The following CYP7B1 variants were observed in gnomAD, a reference collection of about 807,000 sequenced individuals.
CYP7B1 encodes cytochrome P450 7B1.
Under a neutral mutation model 42.7 loss-of-function variants are expected in CYP7B1, and 29 were observed. The ratio of observed to expected loss-of-function variants is 0.68; its 90% CI spans 0.51 to 0.93. CYP7B1 has a LOEUF of 0.93. Among genes scored for constraint, CYP7B1 ranks in the 40% least tolerant of loss-of-function variants. The pLI, the probability that CYP7B1 is intolerant of heterozygous loss-of-function variation, is 0.00. For synonymous variants in CYP7B1, 235 were observed against 218.2 expected (o/e 1.08, Z -0.68); for missense variants, 655 against 600.5 (o/e 1.09, Z -0.95).
At chr8:64,755,763 C>T (rs76237437) in intron 1 of CYP7B1, among the ~76,000 whole-genome samples, 2 of 152,034 alleles carry the variant, frequency 1.3e-5, no homozygotes, top group East Asian at 3.8e-4. Context: ...CCACATATTT[C>T]TCATTGATGA....
chr8:64,642,673 T>A (rs564515179), intron 1 of CYP7B1, among the ~76,000 whole-genome samples: 1 of 152,304 alleles, frequency 6.6e-6, no homozygotes, highest in South Asian at 2.1e-4. Flanking sequence ...TTGTTGAATA[T>A]CCAAATTATG....
intron 1 of CYP7B1, among the ~76,000 whole-genome samples, chr8:64,749,247 A>C (rs558053063): frequency 2.6e-5 from 4 of 151,704 alleles, no homozygotes; most frequent in Admixed American, 6.6e-5. Flanking sequence ...CACCTGGCTG[A>C]TTTTTGTATT....
intron 1 of CYP7B1, among the ~76,000 whole-genome samples, chr8:64,795,306 G>T (rs1411680957): frequency 6.6e-6 from 1 of 152,238 alleles, no homozygotes; most frequent in Non-Finnish European, 1.5e-5. Flanking sequence ...GAACTGACTA[G>T]AAAGGAGTGT....
intron 1 of CYP7B1, among the ~76,000 whole-genome samples, chr8:64,750,195 A>G (rs966339135): frequency 6.6e-6 from 1 of 152,166 alleles, no homozygotes; most frequent in Non-Finnish European, 1.5e-5. Context: ...TATGAACATG[A>G]AAATAAGAGT....
At chr8:64,796,189 T>C (rs1384718141) in intron 1 of CYP7B1, among the ~76,000 whole-genome samples, 1 of 152,200 alleles carries the variant, frequency 6.6e-6, no homozygotes. Context: ...AAGGGCTTTC[T>C]AAGCAAGGAC....
At chr8:64,697,757 A>G (rs535652362) in intron 1 of CYP7B1, among the ~76,000 whole-genome samples, 1 of 152,346 alleles carries the variant, frequency 6.6e-6, no homozygotes, top group South Asian at 2.1e-4. Flanking sequence ...TACATTCCAC[A>G]CTATGGATGA....
At chr8:64,739,165 T>A (rs1387456806) in intron 1 of CYP7B1, among the ~76,000 whole-genome samples, 1 of 152,180 alleles carries the variant, frequency 6.6e-6, no homozygotes, top group Non-Finnish European at 1.5e-5. Flanking sequence ...TTCTCTAGCT[T>A]TTCTGTCTCA....
At chr8:64,709,198 G>C (rs1263383573) in intron 1 of CYP7B1, among the ~76,000 whole-genome samples, 1 of 152,180 alleles carries the variant, frequency 6.6e-6, no homozygotes, top group African/African-American at 2.4e-5. Flanking sequence ...TCACTTCCTT[G>C]TATAGTGAGG....
Position 64,745,185 on chromosome 8 carries a change from C to T in CYP7B1, c.122+53281G>A, listed in dbSNP as rs7002883. Among the ~76,000 whole-genome samples, 211 of 152,208 alleles carry T rather than the reference C, an allele frequency of 1.4e-3. 1 individual carries two copies. Among genetic ancestry groups the T allele is most frequent in the African/African-American group, 4.8e-3 (201 of 41,530 alleles). ...TGTTAATGGGTAAGATACAGCATTC[C>T]GGTTATTTAAAGAATGCAGCAGTAT... On this transcript the variant is annotated intron_variant, in intron 1 of 5. Coordinates refer to ENST00000310193, the MANE Select transcript of CYP7B1 (RefSeq NM_004820.5).
intron 1 of CYP7B1, among the ~76,000 whole-genome samples, chr8:64,705,228 G>GT (rs887718900): frequency 3.5e-5 from 5 of 143,510 alleles, no homozygotes; most frequent in African/African-American, 1.3e-4. Context: ...ATTCAAAAAG[G>GT]TGGGGGGGGG....
intron 1 of CYP7B1, among the ~76,000 whole-genome samples, chr8:64,678,939 G>T (rs776603794): frequency 2.0e-5 from 3 of 151,602 alleles, no homozygotes; most frequent in Admixed American, 1.3e-4. Context: ...AAATTGTGGT[G>T]CCAGATTCTG....
chr8:64,597,403 T>C (rs1276463895), intron 5 of CYP7B1, among the ~76,000 whole-genome samples: 2 of 152,224 alleles, frequency 1.3e-5, no homozygotes, highest in African/African-American at 4.8e-5. Flanking sequence ...CACCAGCTAC[T>C]GATAGATGAG....
intron 1 of CYP7B1, among the ~76,000 whole-genome samples, chr8:64,771,845 T>C (rs1298560346): frequency 1.3e-5 from 2 of 152,228 alleles, no homozygotes; most frequent in Non-Finnish European, 1.5e-5. Flanking sequence ...CAGCTGAACA[T>C]GGACAGAGAA....
intron 1 of CYP7B1, among the ~76,000 whole-genome samples, chr8:64,793,374 CTA>C (rs1804652396): frequency 6.6e-6 from 1 of 151,768 alleles, no homozygotes; most frequent in South Asian, 2.1e-4. Context: ...TTCAGAAAAA[CTA>C]TTTTTTTTCA....
At chr8:64,609,985 C>A (rs1324973697) in intron 4 of CYP7B1, among the ~76,000 whole-genome samples, 1 of 152,128 alleles carries the variant, frequency 6.6e-6, no homozygotes, top group East Asian at 1.9e-4. Flanking sequence ...AAGGGTGGGG[C>A]AAGGTATGCA....
chr8:64,592,080 C>T lies in CYP7B1; in HGVS notation c.*4562G>A, dbSNP rs747604166. Among the ~76,000 whole-genome samples the T allele has an allele frequency of 4.6e-5, 7 of 151,452 alleles. No homozygotes were observed. The highest frequency in any genetic ancestry group is 2.1e-4 in the South Asian group (1 of 4,794). On this transcript the variant is annotated 3_prime_UTR_variant, in exon 6 of 6. Transcript: ENST00000310193. The stretch of plus-strand genomic sequence containing the variant: ...GTGGGTGCCTGTAGTCCCAGCTACT[C>T]GGAGGGCTGAGACAAGGGAATTGCT...
chr8:64,690,596 A>T (rs1374132808), intron 1 of CYP7B1, among the ~76,000 whole-genome samples: 1 of 152,170 alleles, frequency 6.6e-6, no homozygotes, highest in Non-Finnish European at 1.5e-5. Flanking sequence ...AACAACAAAA[A>T]CTTATGTATT....
At chr8:64,611,606 C>T (rs1203101970) in intron 4 of CYP7B1, among the ~76,000 whole-genome samples, 2 of 152,106 alleles carry the variant, frequency 1.3e-5, no homozygotes, top group Admixed American at 6.6e-5. Context: ...TTAATATTCT[C>T]TTTTTAAAAA....
intron 1 of CYP7B1, among the ~76,000 whole-genome samples, chr8:64,641,738 T>G (rs570949351): frequency 6.6e-6 from 1 of 152,278 alleles, no homozygotes; most frequent in Admixed American, 6.5e-5. Context: ...CTTAGTCACA[T>G]GACTCTTTGG....
Sources: allele counts gnomAD v4.1 joint callset (sites outside exome capture counted in the v4.1 genomes callset), GRCh38; gene constraint gnomAD v4.1.1; transcripts MANE v1.5; gene names NCBI Gene and HGNC (gene_info 2026-07-23, HGNC 2026-07-21).